The following KLF17 variants were observed in gnomAD, a reference collection of about 807,000 sequenced individuals.
KLF17 encodes Krueppel-like factor 17.
KLF17 carries 31 observed loss-of-function variants against 34.2 expected under a neutral mutation model. The observed-to-expected ratio is 0.91, with a 90% CI of 0.68 to 1.22. The LOEUF (loss-of-function observed/expected upper bound fraction) is 1.22, where lower values mean the gene tolerates loss of function less well. Among genes scored for constraint, KLF17 ranks in the 50% most tolerant of loss-of-function variants. The pLI is 0.00. For synonymous variants in KLF17, 179 were observed against 186.7 expected (o/e 0.96, Z 0.34); for missense variants, 478 against 505.2 (o/e 0.95, Z 0.52).
chr1:44,088,814 G>A, the KLF17 span, among the ~76,000 whole-genome samples: 11 of 152,128 alleles, frequency 7.2e-5, no homozygotes, highest in African/African-American at 1.4e-4. Context: ...GAGCTAGAGC[G>A]TTAGGTGTGA....
chr1:44,055,323 A>G, the KLF17 span, among the ~76,000 whole-genome samples: 1 of 152,126 alleles, frequency 6.6e-6, no homozygotes, highest in African/African-American at 2.4e-5. Flanking sequence ...GTTGTAACCC[A>G]TTTCTCAGGG....
In KLF17 at chr1:44,130,654, C is replaced by A. The variant is rs761403973; in HGVS notation, c.1068C>A (p.Asp356Glu). 1.2e-6 allele frequency: 2 copies of A among 1,614,130 alleles called. No homozygotes were observed. The highest frequency in any genetic ancestry group is 2.2e-5 in the South Asian group (2 of 91,078). The change falls in exon 3 of 4, where the codon GAC (aspartate) becomes GAA (glutamate). Residue 356 changes from aspartate (D) to glutamate (E), a missense_variant. Coordinates refer to ENST00000372299, the MANE Select transcript of KLF17 (RefSeq NM_173484.4). The part of the protein sequence containing the change: ...DQCSREFMRS[D>E]HLKQHQKTHR... Reference sequence around the variant, plus strand: ...GCAGCCGGGAGTTCATGAGGTCTGACCATCTCAAGCAACACCAGAAGACTC... The same window carrying A: ...GCAGCCGGGAGTTCATGAGGTCTGAACATCTCAAGCAACACCAGAAGACTC...
chr1:44,062,898 C>A, the KLF17 span, among the ~76,000 whole-genome samples: 1 of 152,190 alleles, frequency 6.6e-6, no homozygotes, highest in African/African-American at 2.4e-5. Context: ...ATATCCTCAA[C>A]AGAAATGAGT....
the KLF17 span, among the ~76,000 whole-genome samples, chr1:44,054,641 C>G: frequency 4.7e-5 from 7 of 148,870 alleles, no homozygotes; most frequent in Non-Finnish European, 1.0e-4. Flanking sequence ...CCACCATGAC[C>G]GGCTAATTTT....
chr1:44,094,475 C>T, the KLF17 span, among the ~76,000 whole-genome samples: 2 of 152,050 alleles, frequency 1.3e-5, no homozygotes, highest in Admixed American at 6.6e-5. Flanking sequence ...TCATAGTTTC[C>T]GGTCTTAGGT....
the KLF17 span, chr1:44,104,007 G>A: frequency 3.5e-6 from 3 of 853,514 alleles, no homozygotes; most frequent in South Asian, 1.3e-5. Flanking sequence ...GATGCTGTCC[G>A]TGTCCATGGA....
the KLF17 span, among the ~76,000 whole-genome samples, chr1:44,068,667 GC>G: frequency 6.6e-6 from 1 of 152,164 alleles, no homozygotes; most frequent in South Asian, 2.1e-4. Context: ...AGGAGGGCTG[GC>G]CCCTGCCCTC....
the KLF17 span, chr1:44,048,578 T>C: frequency 6.6e-6 from 1 of 152,360 alleles, no homozygotes; most frequent in East Asian, 1.9e-4. Flanking sequence ...TTCTTTGATA[T>C]GACTGGGTTT....
At chr1:44,081,929 T>C in the KLF17 span, among the ~76,000 whole-genome samples, 6 of 152,358 alleles carry the variant, frequency 3.9e-5, no homozygotes, top group African/African-American at 1.4e-4. Flanking sequence ...AAGTCTTTTT[T>C]GTTGTTACAT....
the KLF17 span, among the ~76,000 whole-genome samples, chr1:44,100,079 TAC>T: frequency 0.13 from 17,688 of 138,478 alleles, 1,200 homozygotes; most frequent in South Asian, 0.17. Context: ...CTACTAAAAA[TAC>T]ACACACACAC....
At chr1:44,058,508 C>T in the KLF17 span, among the ~76,000 whole-genome samples, 3 of 151,978 alleles carry the variant, frequency 2.0e-5, no homozygotes, top group African/African-American at 7.3e-5. Flanking sequence ...TCAGGCTGGT[C>T]TCGAACTCCT....
At chr1:44,130,459 A>C in intron 2 of KLF17, 53 bp from the exon 3 acceptor site, 1 of 1,606,924 alleles carries the variant, frequency 6.2e-7, no homozygotes, top group South Asian at 1.1e-5. Context: ...ACAGAGTTAG[A>C]CCCCTTCCTT....
chr1:44,079,857 C>A, the KLF17 span, among the ~76,000 whole-genome samples: 2 of 151,866 alleles, frequency 1.3e-5, no homozygotes, highest in Non-Finnish European at 2.9e-5. Flanking sequence ...TCCATATATG[C>A]TTGGGTCCAT....
At chr1:44,109,126 G>A in the KLF17 span, among the ~76,000 whole-genome samples, 1 of 152,168 alleles carries the variant, frequency 6.6e-6, no homozygotes, top group African/African-American at 2.4e-5. Context: ...TAAAAATGAA[G>A]CTGCAAACTC....
chr1:44,066,352 AAAC>A, the KLF17 span, among the ~76,000 whole-genome samples: 1 of 147,718 alleles, frequency 6.8e-6, no homozygotes, highest in African/African-American at 2.6e-5. Context: ...CCCCCAAAAA[AAAC>A]AACAAAAAAA....
chr1:44,050,108 C>T, the KLF17 span, among the ~76,000 whole-genome samples: 1 of 152,182 alleles, frequency 6.6e-6, no homozygotes, highest in African/African-American at 2.4e-5. Context: ...TAGATAGCAT[C>T]GCATGGTTTT....
the KLF17 span, among the ~76,000 whole-genome samples, chr1:44,073,897 A>G: frequency 2.6e-5 from 4 of 152,054 alleles, no homozygotes; most frequent in African/African-American, 7.2e-5. Flanking sequence ...ATAATATAAC[A>G]AATTTATTTT....
Position 44,133,859 on chromosome 1 carries a change from G to A in KLF17, c.*622G>A, listed in dbSNP as rs2088139933. The A allele has an allele frequency of 6.6e-6, 1 of 152,246 alleles. No homozygotes were observed. The highest frequency in any genetic ancestry group is 2.4e-5 in the African/African-American group (1 of 41,460). 9.4% of individuals were successfully genotyped at this position (152,246 alleles called of 1,614,324 possible). The stretch of plus-strand genomic sequence containing the variant: ...GGGAATGGACATTATTAAAAGAACA[G>A]GGGCAGAAGTGGCTCATTTATGACC... On this transcript the variant is annotated 3_prime_UTR_variant, in exon 4 of 4. Transcript: ENST00000372299.
At chr1:44,054,036 C>T in the KLF17 span, among the ~76,000 whole-genome samples, 7 of 152,124 alleles carry the variant, frequency 4.6e-5, no homozygotes, top group African/African-American at 1.7e-4. Flanking sequence ...TGTGCTTAAG[C>T]CAGTCAGTTA....
Sources: gnomAD v4.1 joint callset for allele counts (sites outside exome capture counted in the v4.1 genomes callset) on GRCh38, gnomAD v4.1.1 for gene constraint, MANE v1.5 for transcripts, NCBI Gene and HGNC (gene_info 2026-07-23, HGNC 2026-07-21) for gene names.